Variants in DISC1 observed in about 807,000 individuals in gnomAD.
DISC1 encodes DISC1 scaffold protein.
In DISC1, 57 loss-of-function variants were observed where a neutral mutation model predicts 84.5. The ratio of observed to expected loss-of-function variants is 0.67; its 90% CI spans 0.55 to 0.84. The LOEUF (loss-of-function observed/expected upper bound fraction) is 0.84. Among genes scored for constraint, DISC1 ranks in the 40% least tolerant of loss-of-function variants. DISC1 has a pLI of 0.00. For synonymous variants in DISC1, 411 were observed against 415.2 expected, an observed-to-expected ratio of 0.99 and a Z score of 0.12; for missense variants, 1,000 against 1,057.8, an observed-to-expected ratio of 0.95 and a Z score of 0.76.
chr1:231,810,944 G>A (rs973572028), intron 8 of DISC1, among the ~76,000 whole-genome samples: 1 of 152,136 alleles, frequency 6.6e-6, no homozygotes, highest in Non-Finnish European at 1.5e-5. Context: ...GTGGGTAAGG[G>A]TATTGTTTTC....
chr1:231,817,676 T>C (rs1302425077), intron 8 of DISC1, among the ~76,000 whole-genome samples: 1 of 152,202 alleles, frequency 6.6e-6, no homozygotes, highest in Non-Finnish European at 1.5e-5. Context: ...TAAAAAATCA[T>C]CTTCTAGTTT....
At chr1:231,878,508 G>T (rs1482606438) in intron 9 of DISC1, among the ~76,000 whole-genome samples, 2 of 152,294 alleles carry the variant, frequency 1.3e-5, no homozygotes, top group African/African-American at 2.4e-5. Context: ...GGAGCTGAGA[G>T]GGGTAGCCCT....
intron 9 of DISC1, among the ~76,000 whole-genome samples, chr1:231,885,273 C>T (rs1175259178): frequency 6.6e-6 from 1 of 152,156 alleles, no homozygotes; most frequent in Non-Finnish European, 1.5e-5. Context: ...GTTGTTTGCC[C>T]ATGGGGGAAG....
At chr1:231,873,848 A>ATTT (rs57512366) in intron 9 of DISC1, among the ~76,000 whole-genome samples, 122 of 150,406 alleles carry the variant, frequency 8.1e-4, no homozygotes, top group South Asian at 3.8e-3. Flanking sequence ...ATCTTAAATA[A>ATTT]TTTTTTTTTT....
At chr1:231,900,470 A>G (rs2088077523) in intron 9 of DISC1, among the ~76,000 whole-genome samples, 1 of 152,248 alleles carries the variant, frequency 6.6e-6, no homozygotes, top group Non-Finnish European at 1.5e-5. Flanking sequence ...TTTGTCCTTC[A>G]AAAACAAAAC....
chr1:231,632,497 G>A (rs1254486291), intron 1 of DISC1, among the ~76,000 whole-genome samples: 1 of 152,188 alleles, frequency 6.6e-6, no homozygotes, highest in South Asian at 2.1e-4. Flanking sequence ...TCGAGGTGAG[G>A]AATGGCAATC....
Position 231,786,537 on chromosome 1 carries a change from G to T in DISC1, c.1635-8705G>T, listed in dbSNP as rs16854969. ...AGTGCCAGGTGCTAAGGTGGTTATGGCTGGGTTACTGGTGGTACGAGGAAC... is the reference window on the plus strand; with the variant it reads ...AGTGCCAGGTGCTAAGGTGGTTATGTCTGGGTTACTGGTGGTACGAGGAAC... On this transcript the variant is annotated intron_variant, in intron 6 of 12. Transcript: ENST00000439617. Among the ~76,000 whole-genome samples the T allele has an allele frequency of 7.4e-3, 1,132 of 152,304 alleles. 9 individuals carry two copies. Among genetic ancestry groups the T allele is most frequent in the African/African-American group, 0.026 (1,074 of 41,554 alleles).
intron 3 of DISC1, among the ~76,000 whole-genome samples, chr1:231,740,435 C>T (rs73117163): frequency 0.029 from 4,391 of 152,232 alleles, 224 homozygotes; most frequent in African/African-American, 0.099. Context: ...TGTGTTCTAT[C>T]CAATGTCATG....
At chr1:231,859,458 C>T (rs999172408) in intron 9 of DISC1, among the ~76,000 whole-genome samples, 4 of 152,240 alleles carry the variant, frequency 2.6e-5, no homozygotes, top group East Asian at 3.9e-4. Context: ...CTGGAAGGGG[C>T]GAGGGAGCTC....
chr1:231,856,876 C>T (rs918622189), intron 9 of DISC1, among the ~76,000 whole-genome samples: 3 of 152,120 alleles, frequency 2.0e-5, no homozygotes, highest in African/African-American at 4.8e-5. Context: ...CAGTAAAAGC[C>T]GGAGTGATCA....
chr1:231,704,761 A>G (rs1268060268), intron 3 of DISC1, among the ~76,000 whole-genome samples: 1 of 125,510 alleles, frequency 8.0e-6, no homozygotes, highest in Admixed American at 7.3e-5. Context: ...CTCCGTCTCA[A>G]AAAAAAAAAA....
At chr1:231,952,691 TTATATATA>T (rs60722025) in intron 9 of DISC1, among the ~76,000 whole-genome samples, 14 of 141,838 alleles carry the variant, frequency 9.9e-5, no homozygotes, top group South Asian at 2.2e-4. Flanking sequence ...ATATATATGT[TTATATATA>T]TATATATATA....
chr1:231,851,031 G>T (rs2083858352), intron 9 of DISC1, among the ~76,000 whole-genome samples: 1 of 152,172 alleles, frequency 6.6e-6, no homozygotes, highest in African/African-American at 2.4e-5. Context: ...AGGATCATGT[G>T]CCTGGAGAGG....
At chr1:231,723,964 A>T in intron 3 of DISC1, 1 of 985,474 alleles carries the variant, frequency 1.0e-6, no homozygotes, top group South Asian at 4.7e-5. Context: ...TGACTCCAGG[A>T]AGGAAACTCA....
chr1:231,939,074 A>G (rs1392508589), intron 9 of DISC1, among the ~76,000 whole-genome samples: 3 of 152,238 alleles, frequency 2.0e-5, no homozygotes, highest in African/African-American at 2.4e-5. Flanking sequence ...CTTTATGCTT[A>G]TCAGCATCAG....
chr1:231,744,204 G>A (rs2073692697), intron 3 of DISC1, among the ~76,000 whole-genome samples: 1 of 152,110 alleles, frequency 6.6e-6, no homozygotes, highest in African/African-American at 2.4e-5. Context: ...TGTTTGTATT[G>A]CACACTGGGG....
At chr1:231,710,532 C>G (rs2067690060) in intron 3 of DISC1, among the ~76,000 whole-genome samples, 1 of 152,184 alleles carries the variant, frequency 6.6e-6, no homozygotes, top group Non-Finnish European at 1.5e-5. Flanking sequence ...GCTTGGACTG[C>G]CATGGCAAAG....
intron 3 of DISC1, among the ~76,000 whole-genome samples, chr1:231,714,548 C>G (rs2356578): frequency 1.2e-3 from 184 of 151,242 alleles, no homozygotes; most frequent in African/African-American, 4.3e-3. Context: ...ATGTATGAAA[C>G]AGAGACAGAG....
At chr1:231,702,297 A>G (rs1056457481) in intron 3 of DISC1, 1 of 1,149,738 alleles carries the variant, frequency 8.7e-7, no homozygotes, top group South Asian at 2.4e-5. Flanking sequence ...TTAGCTTGCC[A>G]CCTGTCTGCC....
Sources: allele counts gnomAD v4.1 joint callset (sites outside exome capture counted in the v4.1 genomes callset), GRCh38; gene constraint gnomAD v4.1.1; transcripts MANE v1.5; gene names NCBI Gene and HGNC (gene_info 2026-07-23, HGNC 2026-07-21).